MFSD8: variants seen among roughly 807,000 people sequenced by gnomAD.
MFSD8 encodes the protein major facilitator superfamily domain containing 8, also known as major facilitator superfamily domain-containing protein 8.
Under a neutral mutation model 66.4 loss-of-function variants are expected in MFSD8, and 55 were observed. That is an observed-to-expected ratio of 0.83 (90% CI 0.67 to 1.04). The LOEUF is 1.04. Ranked by LOEUF, MFSD8 falls within the 50% of genes least tolerant of loss-of-function variation. The pLI is 0.00. For synonymous variants in MFSD8, 202 were observed against 212.8 expected, an observed-to-expected ratio of 0.95 and a Z score of 0.44; for missense variants, 550 against 627.6, an observed-to-expected ratio of 0.88 and a Z score of 1.32.
intron 9 of MFSD8, 156 bp from the exon 10 acceptor site, chr4:127,922,119 A>G (rs920100451): frequency 1.6e-5 from 13 of 813,170 alleles, no homozygotes; most frequent in Non-Finnish European, 2.2e-5. Flanking sequence ...AAAAATAACC[A>G]GGACTCCTCT....
intron 2 of MFSD8, among the ~76,000 whole-genome samples, chr4:127,954,889 T>A (rs1290119514): frequency 6.6e-6 from 1 of 152,130 alleles, no homozygotes; most frequent in Non-Finnish European, 1.5e-5. Flanking sequence ...AGAAACATGT[T>A]CAACATCACT....
At position 127,920,607 on chromosome 4, in the gene MFSD8, T is replaced by A. The variant is rs766561103; in HGVS notation, c.*23A>T. On this transcript the variant is annotated 3_prime_UTR_variant, in exon 12 of 12. Coordinates refer to ENST00000641686, the MANE Select transcript of MFSD8 (RefSeq NM_001371596.2). ...CCAGGAAGTGCCACACAGCAAGTAG[T>A]TTCCATCACAGTCTTAGCTAGTTTA... is the stretch of plus-strand genomic sequence containing the variant. 12 of 1,612,716 alleles carry A rather than the reference T, an allele frequency of 7.4e-6. No homozygotes were observed. The highest frequency in any genetic ancestry group is 1.0e-5 in the Non-Finnish European group (12 of 1,179,094).
intron 5 of MFSD8, among the ~76,000 whole-genome samples, chr4:127,940,848 C>T (rs1264729443): frequency 6.6e-6 from 1 of 151,862 alleles, no homozygotes; most frequent in Non-Finnish European, 1.5e-5. Context: ...AGGGTGAGGA[C>T]TAAAATATTG....
At chr4:127,950,753 G>T (rs968946638) in intron 2 of MFSD8, among the ~76,000 whole-genome samples, 1 of 151,998 alleles carries the variant, frequency 6.6e-6, no homozygotes, top group East Asian at 1.9e-4. Context: ...TATAAAGCCT[G>T]TTCTTCAAAA....
intron 9 of MFSD8, among the ~76,000 whole-genome samples, chr4:127,927,925 T>C (rs1404469030): frequency 6.6e-6 from 1 of 152,140 alleles, no homozygotes; most frequent in Non-Finnish European, 1.5e-5. Flanking sequence ...TCTCACTATG[T>C]TGCCCAGGCT....
At chr4:127,923,815 C>A (rs1025379770) in intron 9 of MFSD8, among the ~76,000 whole-genome samples, 1 of 151,830 alleles carries the variant, frequency 6.6e-6, no homozygotes, top group Non-Finnish European at 1.5e-5. Context: ...CCTCTGACCT[C>A]GTGATCCACC....
At chr4:127,922,158 A>C (rs931464334) in intron 9 of MFSD8, among the ~76,000 whole-genome samples, 195 bp from the exon 10 acceptor site, 4 of 152,226 alleles carry the variant, frequency 2.6e-5, no homozygotes, top group African/African-American at 9.6e-5. Flanking sequence ...GGTCTGGGAC[A>C]CAAAAAGTAG....
chr4:127,964,925 C>T, intron 1 of MFSD8, 147 bp downstream of exon 1: 1 of 938,142 alleles, frequency 1.1e-6, no homozygotes, highest in Non-Finnish European at 1.7e-6. Context: ...AGCGAATCTC[C>T]TCGGCTCACA....
At chr4:127,950,478 T>C (rs1741751182) in intron 2 of MFSD8, among the ~76,000 whole-genome samples, 1 of 151,846 alleles carries the variant, frequency 6.6e-6, no homozygotes, top group Non-Finnish European at 1.5e-5. Context: ...TTACCTAAGG[T>C]CAGGAGTTTG....
chr4:127,961,243 T>C (rs1001638427), intron 1 of MFSD8, among the ~76,000 whole-genome samples: 3 of 151,956 alleles, frequency 2.0e-5, no homozygotes, highest in African/African-American at 7.3e-5. Flanking sequence ...AATATACTTG[T>C]TTTTAAAGAC....
chr4:127,955,057 G>C lies in MFSD8; in HGVS notation c.154+2444C>G, dbSNP rs1742621931. ...AATGGTACGGCTGCTATGGAAAACA[G>C]TATGGCAATTTTCCAAAAAATTAAA... On this transcript the variant is annotated intron_variant, in intron 2 of 11. Transcript: ENST00000641686. Among the ~76,000 whole-genome samples the C allele has an allele frequency of 2.0e-5, 3 of 152,242 alleles. No individual in the cohort carries two copies. The South Asian group carries it at 6.2e-4, about 32-fold the overall frequency.
chr4:127,952,131 C>T (rs2148952175), intron 2 of MFSD8, among the ~76,000 whole-genome samples: 1 of 152,146 alleles, frequency 6.6e-6, no homozygotes, highest in Admixed American at 6.5e-5. Context: ...TCAGGCCAGG[C>T]ACGGTGGCTC....
chr4:127,943,830 A>G lies in MFSD8; in HGVS notation c.361T>C (p.Tyr121His). 1 of 1,614,186 alleles carries G rather than the reference A, an allele frequency of 6.2e-7. No individual in the cohort carries two copies. The highest frequency in any genetic ancestry group is 1.1e-5 in the South Asian group (1 of 91,088). ...ILISVAANCL[Y>H]AYLHIPASHN... is the part of the protein sequence containing the mutation. ...GAAGCTGGGATGTGGAGATATGCAT[A>G]GAGGCAGTTGGCTGCCACGGAAATC... is the stretch of plus-strand genomic sequence containing the variant. Residue 121 changes from tyrosine to histidine, a missense_variant, in exon 4 of 12, where the codon TAT becomes CAT. Tyr to His is a moderately conservative substitution (Grantham distance 83). Transcript: ENST00000641686.
chr4:127,932,834 C>G, intron 8 of MFSD8, 151 bp downstream of exon 8: 1 of 591,658 alleles, frequency 1.7e-6, no homozygotes, highest in Non-Finnish European at 3.0e-6. Flanking sequence ...AAGTTACAAG[C>G]AACAAAATGT....
chr4:127,933,256 A>T, intron 7 of MFSD8, 163 bp from the exon 8 acceptor site: 2 of 571,456 alleles, frequency 3.5e-6, no homozygotes, highest in South Asian at 4.1e-5. Context: ...GTTTATTTTT[A>T]TTTTTTGAGA....
At position 127,943,800 on chromosome 4, in the gene MFSD8, T is replaced by G; in HGVS notation, c.391A>C (p.Asn131His). ...CGAGCAACCAGCATGTAGTATTTAT[T>G]ATGAGAAGCTGGGATGTGGAGATAT... Reference protein sequence around the residue: ...YAYLHIPASHNKYYMLVARGL... With the variant: ...YAYLHIPASHHKYYMLVARGL... The change falls in exon 4 of 12, where the codon AAT becomes CAT. Residue 131 changes from asparagine to histidine, a missense_variant. Coordinates refer to ENST00000641686, the MANE Select transcript of MFSD8 (RefSeq NM_001371596.2). 1 of 1,614,144 alleles carries G rather than the reference T, an allele frequency of 6.2e-7. No individual in the cohort carries two copies.
At chr4:127,955,238 A>G (rs1361854971) in intron 2 of MFSD8, among the ~76,000 whole-genome samples, 1 of 152,186 alleles carries the variant, frequency 6.6e-6, no homozygotes, top group Non-Finnish European at 1.5e-5. Flanking sequence ...CCAAATGTCC[A>G]TCGACAGATA....
chr4:127,957,436 A>G (rs763691699), intron 2 of MFSD8, 65 bp downstream of exon 2: 5 of 1,096,076 alleles, frequency 4.6e-6, no homozygotes, highest in Non-Finnish European at 6.9e-6. Context: ...AAGTAAATGA[A>G]GTAAATGAAG....
At chr4:127,965,275 G>T, upstream of MFSD8, 1 of 1,054,646 alleles carries the variant, frequency 9.5e-7, no homozygotes, top group Non-Finnish European at 1.4e-6. Context: ...ACGCCCCGAG[G>T]TCATAGGCGG....
Sources: gnomAD v4.1 joint callset for allele counts (sites outside exome capture counted in the v4.1 genomes callset) on GRCh38, gnomAD v4.1.1 for gene constraint, MANE v1.5 for transcripts, NCBI Gene and HGNC (gene_info 2026-07-23, HGNC 2026-07-21) for gene names.